The following PARD3B variants were observed in gnomAD, a reference collection of about 807,000 sequenced individuals.
PARD3B encodes par-3 family cell polarity regulator beta.
In PARD3B, 103 loss-of-function variants were observed where a neutral mutation model predicts 130.2. That is an observed-to-expected ratio of 0.79 (90% CI 0.67 to 0.93). The LOEUF is 0.93. Among genes scored for constraint, PARD3B ranks in the 40% least tolerant of loss-of-function variants. The probability of loss-of-function intolerance (pLI) is 0.00; values close to 1 mark genes in which losing one functional copy is unlikely to be tolerated. For missense variants in PARD3B, 1,609 were observed against 1,499.2 expected, an observed-to-expected ratio of 1.07 and a Z score of -1.21; for synonymous variants, 583 against 553.2, an observed-to-expected ratio of 1.05 and a Z score of -0.76.
chr2:205,252,853 C>CCA (rs2039916027), intron 16 of PARD3B, among the ~76,000 whole-genome samples: 11 of 80,432 alleles, frequency 1.4e-4, no homozygotes, highest in East Asian at 4.3e-4. Flanking sequence ...CCCCCCCCAC[C>CCA]AAAAAAAAAA....
intron 11 of PARD3B, among the ~76,000 whole-genome samples, chr2:205,159,871 C>G (rs561955837): frequency 1.3e-5 from 2 of 152,308 alleles, no homozygotes; most frequent in South Asian, 2.1e-4. Context: ...GCTGTTAAGA[C>G]TAAAAGAGAC....
chr2:205,380,229 T>C (rs1208331788), intron 18 of PARD3B, among the ~76,000 whole-genome samples: 2 of 104,918 alleles, frequency 1.9e-5, no homozygotes, highest in African/African-American at 7.6e-5. Flanking sequence ...TTATATATTA[T>C]GTAAAGAATA....
At chr2:205,026,009 G>T (rs72927558) in intron 3 of PARD3B, among the ~76,000 whole-genome samples, 26,589 of 152,182 alleles carry the variant, frequency 0.17, 2,913 homozygotes, top group East Asian at 0.36. Context: ...GTACGCTAGG[G>T]TCTGAGCATA....
chr2:204,865,842 G>T (rs577885988), intron 2 of PARD3B, among the ~76,000 whole-genome samples: 1 of 152,288 alleles, frequency 6.6e-6, no homozygotes, highest in South Asian at 2.1e-4. Flanking sequence ...ATTTTAGAGT[G>T]GAAAGAGTAA....
intron 2 of PARD3B, among the ~76,000 whole-genome samples, chr2:204,864,409 A>G (rs527887897): frequency 9.2e-4 from 140 of 152,304 alleles, no homozygotes; most frequent in Non-Finnish European, 1.7e-3. Context: ...TTGACTCAGC[A>G]TGTCCCAGCT....
chr2:205,477,624 CCT>C (rs2049072033), intron 20 of PARD3B, among the ~76,000 whole-genome samples: 1 of 151,998 alleles, frequency 6.6e-6, no homozygotes, highest in Non-Finnish European at 1.5e-5. Flanking sequence ...CATGATTTAG[CCT>C]CTCTTTGTTG....
intron 20 of PARD3B, among the ~76,000 whole-genome samples, chr2:205,497,232 C>A (rs961367479): frequency 6.7e-6 from 1 of 149,138 alleles, no homozygotes; most frequent in Admixed American, 6.7e-5. Flanking sequence ...AAGAAAGGTA[C>A]GTGATTCCCA....
intron 1 of PARD3B, among the ~76,000 whole-genome samples, chr2:204,618,409 A>T (rs1176710073): frequency 6.6e-6 from 1 of 152,130 alleles, no homozygotes; most frequent in African/African-American, 2.4e-5. Context: ...ATTATATTTT[A>T]TTGGGTTATA....
At chr2:205,219,453 C>T (rs574842311) in intron 15 of PARD3B, among the ~76,000 whole-genome samples, 1 of 152,308 alleles carries the variant, frequency 6.6e-6, no homozygotes, top group Admixed American at 6.5e-5. Flanking sequence ...TTTTCAAAAT[C>T]TATTACACAG....
chr2:204,700,644 C>T (rs1020247723), intron 2 of PARD3B, among the ~76,000 whole-genome samples: 8 of 152,022 alleles, frequency 5.3e-5, no homozygotes, highest in Non-Finnish European at 1.0e-4. Context: ...CTTTGTACTT[C>T]CCATCATTTA....
At chr2:204,971,295 C>T (rs963074548) in intron 3 of PARD3B, among the ~76,000 whole-genome samples, 6 of 152,164 alleles carry the variant, frequency 3.9e-5, no homozygotes, top group Non-Finnish European at 8.8e-5. Context: ...GTATTGGCAT[C>T]TGATCCTAGA....
At chr2:204,674,692 G>T (rs571638656) in intron 1 of PARD3B, among the ~76,000 whole-genome samples, 4 of 152,158 alleles carry the variant, frequency 2.6e-5, no homozygotes, top group Admixed American at 2.6e-4. Flanking sequence ...TCTCTTCTTT[G>T]ATTGATCCAT....
intron 2 of PARD3B, among the ~76,000 whole-genome samples, chr2:204,822,866 C>T (rs1559173186): frequency 6.6e-6 from 1 of 152,134 alleles, no homozygotes; most frequent in Non-Finnish European, 1.5e-5. Flanking sequence ...TTAACTTTCC[C>T]CATTTTTAAG....
intron 14 of PARD3B, among the ~76,000 whole-genome samples, chr2:205,186,259 AT>A (rs1159734401): frequency 5.9e-5 from 9 of 152,202 alleles, no homozygotes; most frequent in African/African-American, 1.9e-4. Context: ...TTAAAAATAG[AT>A]GTTCCAAGAA....
intron 2 of PARD3B, among the ~76,000 whole-genome samples, chr2:204,784,734 G>A (rs2041949279): frequency 6.6e-6 from 1 of 152,096 alleles, no homozygotes; most frequent in African/African-American, 2.4e-5. Flanking sequence ...TGTGACTTTG[G>A]TACCTAGCCC....
chr2:205,505,397 AAAT>A (rs1488787909), intron 21 of PARD3B, among the ~76,000 whole-genome samples: 15 of 152,072 alleles, frequency 9.9e-5, no homozygotes, highest in African/African-American at 3.4e-4. Context: ...TAAAAAAATA[AAAT>A]AAAATAAAAT....
At chr2:204,795,608 A>C (rs2042343054) in intron 2 of PARD3B, among the ~76,000 whole-genome samples, 1 of 152,226 alleles carries the variant, frequency 6.6e-6, no homozygotes, top group Admixed American at 6.5e-5. Context: ...ACTTTCTCCA[A>C]AGATGGACAT....
chr2:204,790,216 A>G (rs10177498), intron 2 of PARD3B, among the ~76,000 whole-genome samples: 5,868 of 152,158 alleles, frequency 0.039, 144 homozygotes, highest in Middle Eastern at 0.092. Flanking sequence ...AGACCTCTTG[A>G]GTTGCATTTT....
intron 2 of PARD3B, among the ~76,000 whole-genome samples, chr2:204,824,062 A>G (rs1185211919): frequency 6.6e-6 from 1 of 152,204 alleles, no homozygotes; most frequent in Non-Finnish European, 1.5e-5. Flanking sequence ...CACTTCTCTA[A>G]TAATCTGAGC....
Sources: gnomAD v4.1 joint callset for allele counts (sites outside exome capture counted in the v4.1 genomes callset) on GRCh38, gnomAD v4.1.1 for gene constraint, MANE v1.5 for transcripts, NCBI Gene and HGNC (gene_info 2026-07-23, HGNC 2026-07-21) for gene names.